The following ADCY10 variants were observed in gnomAD, a reference collection of about 807,000 sequenced individuals.
The protein encoded by ADCY10 is adenylate cyclase 10.
In ADCY10, 156 loss-of-function variants were observed where a neutral mutation model predicts 183.3. The observed-to-expected ratio is 0.85, with a 90% confidence interval of 0.75 to 0.97. The LOEUF (loss-of-function observed/expected upper bound fraction) is 0.97, where lower values mean the gene tolerates loss of function less well. ADCY10 is among the 50% of genes least tolerant of loss of function. The probability of loss-of-function intolerance (pLI) is 0.00; values close to 1 mark genes in which losing one functional copy is unlikely to be tolerated. For missense variants in ADCY10, 1,745 were observed against 1,934.3 expected (o/e 0.90, Z 1.84); for synonymous variants, 645 against 670.0 (o/e 0.96, Z 0.58).
chr1:167,858,718 C>T (rs1666082384), intron 16 of ADCY10, among the ~76,000 whole-genome samples: 1 of 151,944 alleles, frequency 6.6e-6, no homozygotes, highest in African/African-American at 2.4e-5. Flanking sequence ...AGATGAGCAC[C>T]ATTTCTCTAG....
At chr1:167,895,009 C>G (rs1465941808) in intron 7 of ADCY10, among the ~76,000 whole-genome samples, 2 of 152,064 alleles carry the variant, frequency 1.3e-5, no homozygotes, top group African/African-American at 4.8e-5. Context: ...ATGGGAAACC[C>G]TGTCTCTACT....
At chr1:167,844,213 T>C (rs1664843649) in intron 21 of ADCY10, among the ~76,000 whole-genome samples, 1 of 152,236 alleles carries the variant, frequency 6.6e-6, no homozygotes, top group African/African-American at 2.4e-5. Flanking sequence ...ACATCTTCCC[T>C]GCCCAGTGCA....
intron 14 of ADCY10, among the ~76,000 whole-genome samples, chr1:167,864,847 G>C (rs528994556): frequency 2.0e-5 from 3 of 150,358 alleles, no homozygotes; most frequent in South Asian, 4.2e-4. Flanking sequence ...GTAACCCACG[G>C]ATGGCCCAGA....
intron 8 of ADCY10, among the ~76,000 whole-genome samples, 165 bp downstream of exon 8, chr1:167,893,686 ACT>A (rs1389040633): frequency 9.2e-6 from 1 of 108,760 alleles, no homozygotes; most frequent in African/African-American, 3.8e-5. Flanking sequence ...ACAGAGTGAG[ACT>A]CTGTCTCAAA....
intron 21 of ADCY10, 193 bp downstream of exon 21, chr1:167,845,370 G>A (rs1023742412): frequency 6.3e-5 from 39 of 623,710 alleles, no homozygotes; most frequent in South Asian, 4.0e-5. Flanking sequence ...AGATTGGTTC[G>A]CTAGACTCAA....
intron 5 of ADCY10, among the ~76,000 whole-genome samples, chr1:167,900,159 A>G (rs1183837402): frequency 1.3e-5 from 2 of 152,268 alleles, no homozygotes; most frequent in Non-Finnish European, 2.9e-5. Context: ...AGAAGAAGAT[A>G]TTGTATAATA....
chr1:167,820,343 G>T, intron 30 of ADCY10: 1 of 826,418 alleles, frequency 1.2e-6, no homozygotes, highest in Non-Finnish European at 1.8e-6. Flanking sequence ...GGCGGGGCCG[G>T]CCAGAGGGGC....
intron 16 of ADCY10, among the ~76,000 whole-genome samples, chr1:167,859,161 A>T (rs890757193): frequency 2.0e-5 from 3 of 152,250 alleles, no homozygotes; most frequent in Non-Finnish European, 4.4e-5. Flanking sequence ...GAGTCACTAC[A>T]TCCAAGTGGA....
At chr1:167,849,016 C>A (rs1665278615) in intron 18 of ADCY10, among the ~76,000 whole-genome samples, 1 of 151,550 alleles carries the variant, frequency 6.6e-6, no homozygotes, top group Non-Finnish European at 1.5e-5. Flanking sequence ...TCTCCCTCTG[C>A]CAACCCTGCC....
At chr1:167,871,163 C>T (rs942585981) in intron 13 of ADCY10, among the ~76,000 whole-genome samples, 66 of 151,630 alleles carry the variant, frequency 4.4e-4, no homozygotes, top group African/African-American at 1.6e-3. Context: ...AGTTAGTTTT[C>T]CTACATTAAA....
At chr1:167,912,804 A>G (rs182605515) in intron 1 of ADCY10, among the ~76,000 whole-genome samples, 277 of 152,336 alleles carry the variant, frequency 1.8e-3, no homozygotes, top group African/African-American at 6.3e-3. Flanking sequence ...AGCCGTATCA[A>G]TTCTACATAG....
chr1:167,898,634 G>T (rs1020877113), intron 6 of ADCY10, among the ~76,000 whole-genome samples: 2 of 151,820 alleles, frequency 1.3e-5, no homozygotes, highest in Admixed American at 1.3e-4. Context: ...AAGAGCATGG[G>T]AATGGGCTAT....
At chr1:167,820,054 C>CT in intron 30 of ADCY10, 2 of 1,576,912 alleles carry the variant, frequency 1.3e-6, no homozygotes, top group Non-Finnish European at 1.7e-6. Flanking sequence ...TTCAAAGCCT[C>CT]TTTCGTTACT....
intron 21 of ADCY10, among the ~76,000 whole-genome samples, chr1:167,841,875 T>C (rs569962856): frequency 1.3e-5 from 2 of 152,330 alleles, no homozygotes; most frequent in East Asian, 3.9e-4. Flanking sequence ...CAGTAAGCAA[T>C]GCCTGGCACA....
chr1:167,828,917 G>C (rs111632985), intron 26 of ADCY10, among the ~76,000 whole-genome samples: 9 of 151,992 alleles, frequency 5.9e-5, no homozygotes, highest in African/African-American at 1.9e-4. Context: ...AGCCGATATT[G>C]TGCCACTGCA....
chr1:167,885,581 T>C (rs907920602), intron 8 of ADCY10, among the ~76,000 whole-genome samples: 1 of 152,240 alleles, frequency 6.6e-6, no homozygotes, highest in Non-Finnish European at 1.5e-5. Context: ...CACATACTTG[T>C]TTGCCATTTG....
At chr1:167,844,527 C>T (rs1664866554) in intron 21 of ADCY10, among the ~76,000 whole-genome samples, 2 of 152,166 alleles carry the variant, frequency 1.3e-5, no homozygotes, top group African/African-American at 2.4e-5. Context: ...AGAGGATGAA[C>T]TTAGGAATTA....
Position 167,818,195 on chromosome 1 carries a change from T to G in ADCY10, c.4359A>C (p.Arg1453Ser), listed in dbSNP as rs1662649100. 2 of 1,614,084 alleles carry G rather than the reference T, an allele frequency of 1.2e-6. No homozygotes were observed. Among genetic ancestry groups the G allele is most frequent in the Non-Finnish European group, 1.7e-6 (2 of 1,180,026 alleles). ...CGTCATAGTAAGTAAGTGTCATGGTTCTTCTTGGCAAAAGATTTTTAGCTC... is the reference window on the plus strand; with the variant it reads ...CGTCATAGTAAGTAAGTGTCATGGTGCTTCTTGGCAAAAGATTTTTAGCTC... Reference protein sequence around the residue: ...SNRAKNLLPRRTMTLTYYDGI... With the variant: ...SNRAKNLLPRSTMTLTYYDGI... The change falls in exon 31 of 33, where the codon AGA (arginine) becomes AGC (serine). Residue 1453 changes from arginine to serine, a missense_variant. Physicochemically the swap from Arg to Ser is moderately radical, Grantham distance 110. Transcript: ENST00000367851.
At chr1:167,853,820 A>C (rs1571309348) in intron 18 of ADCY10, among the ~76,000 whole-genome samples, 1 of 119,224 alleles carries the variant, frequency 8.4e-6, no homozygotes, top group Non-Finnish European at 1.8e-5. Flanking sequence ...TTTCATTTCT[A>C]CTATAGTTAC....
Sources: gnomAD v4.1 joint callset for allele counts (sites outside exome capture counted in the v4.1 genomes callset) on GRCh38, gnomAD v4.1.1 for gene constraint, MANE v1.5 for transcripts, NCBI Gene and HGNC (gene_info 2026-07-23, HGNC 2026-07-21) for gene names.